The following IL1RAPL1 variants were observed in gnomAD, a reference collection of about 807,000 sequenced individuals.
IL1RAPL1 encodes interleukin-1 receptor accessory protein-like 1.
In IL1RAPL1, 3 loss-of-function variants were observed where a neutral mutation model predicts 48.4. That is an observed-to-expected ratio of 0.06 (90% confidence interval 0.03 to 0.16). IL1RAPL1 has a LOEUF of 0.16. IL1RAPL1 is among the 10% of genes least tolerant of loss of function. The pLI, the probability that IL1RAPL1 is intolerant of heterozygous loss-of-function variation, is 1.00. For missense variants in IL1RAPL1, 349 were observed against 530.6 expected (o/e 0.66, Z 3.36); for synonymous variants, 185 against 187.7 (o/e 0.99, Z 0.12).
rs982001979 is a variant in IL1RAPL1, at chrX:29,150,687, G to A, written c.83-132251G>A. On this transcript the variant is annotated intron_variant, in intron 2 of 10. Coordinates refer to ENST00000378993, the MANE Select transcript of IL1RAPL1 (RefSeq NM_014271.4). ...TCCTGTAATCCCAGCACTTTGGGAG[G>A]CTGAGGAGGGCAGATCACGAGGTCA... Among the ~76,000 whole-genome samples the A allele has an allele frequency of 5.5e-5, 6 of 108,862 alleles. 1 individual carries two copies. Among genetic ancestry groups the A allele is most frequent in the African/African-American group, 1.4e-4 (4 of 29,615 alleles). 94.5% of individuals were successfully genotyped at this position (108,862 alleles called of 115,157 possible). A position where few individuals can be genotyped will look rare whatever the true frequency, so the allele number is the denominator to read the frequency against.
At chrX:29,688,513 C>G (rs1926687847) in intron 6 of IL1RAPL1, among the ~76,000 whole-genome samples, 1 of 111,839 alleles carries the variant, frequency 8.9e-6, no homozygotes, top group African/African-American at 3.3e-5. Flanking sequence ...TCTGCCAAGA[C>G]CCTTTTTCCA....
chrX:29,073,632 C>T (rs1172069494), intron 2 of IL1RAPL1, among the ~76,000 whole-genome samples: 1 of 111,679 alleles, frequency 9.0e-6, no homozygotes, highest in Non-Finnish European at 1.9e-5. Flanking sequence ...CTGTCTGATT[C>T]TTCAAAGCCT....
At chrX:29,664,436 A>T (rs1435378755) in intron 5 of IL1RAPL1, among the ~76,000 whole-genome samples, 1 of 110,159 alleles carries the variant, frequency 9.1e-6, no homozygotes, top group Non-Finnish European at 1.9e-5. Flanking sequence ...GAAGGGAACT[A>T]GTTAAAATAC....
At chrX:29,839,147 C>T (rs900457335) in intron 6 of IL1RAPL1, among the ~76,000 whole-genome samples, 2 of 112,099 alleles carry the variant, frequency 1.8e-5, no homozygotes, top group Non-Finnish European at 3.8e-5. Context: ...ATGAAAAAAT[C>T]GGGGGCCATT....
At chrX:29,657,721 C>T (rs1925723659) in intron 5 of IL1RAPL1, among the ~76,000 whole-genome samples, 1 of 110,828 alleles carries the variant, frequency 9.0e-6, no homozygotes, top group Admixed American at 9.7e-5. Context: ...AAAAGATATG[C>T]TATGATCATT....
rs1044559806 is a variant in IL1RAPL1 at position 29,438,394 on chromosome X, T to C, written c.703+39086T>C. 6.3e-5 allele frequency among the ~76,000 whole-genome samples: 7 copies of C among 111,389 alleles called. No homozygotes were observed. The Admixed American group carries it at 6.7e-4, about 11-fold the overall frequency. Reference sequence around the variant, plus strand: ...TGAATTTCATTGATTTCTGCTCTTGTCTTTGTTGTTTCCTCTGTGCAGTGT... The same window carrying C: ...TGAATTTCATTGATTTCTGCTCTTGCCTTTGTTGTTTCCTCTGTGCAGTGT... On this transcript the variant is annotated intron_variant, in intron 5 of 10. Coordinates refer to ENST00000378993, the MANE Select transcript of IL1RAPL1 (RefSeq NM_014271.4).
At chrX:29,487,006 T>C (rs1212183835) in intron 5 of IL1RAPL1, among the ~76,000 whole-genome samples, 2 of 110,518 alleles carry the variant, frequency 1.8e-5, no homozygotes, top group Non-Finnish European at 3.8e-5. Flanking sequence ...AGCTCCCAGG[T>C]GATGGCAACA....
intron 6 of IL1RAPL1, among the ~76,000 whole-genome samples, chrX:29,758,078 T>C (rs769360069): frequency 8.9e-6 from 1 of 111,942 alleles, no homozygotes; most frequent in African/African-American, 3.2e-5. Context: ...TTATTTTATT[T>C]GCCTATCTCT....
intron 2 of IL1RAPL1, among the ~76,000 whole-genome samples, chrX:28,980,044 A>G (rs1925293005): frequency 8.9e-6 from 1 of 112,218 alleles, no homozygotes; most frequent in South Asian, 3.7e-4. Flanking sequence ...TATGACTGAG[A>G]TGGCAGAGCC....
chrX:29,141,835 A>G (rs906333094), intron 2 of IL1RAPL1, among the ~76,000 whole-genome samples: 2 of 112,225 alleles, frequency 1.8e-5, no homozygotes, highest in Admixed American at 9.5e-5. Flanking sequence ...TGTTTGCAGC[A>G]TATTGTCAAT....
rs893466493 is a variant in IL1RAPL1, at chrX:28,792,117, A to G, written c.82+2692A>G. On this transcript the variant is annotated intron_variant, in intron 2 of 10. Coordinates refer to ENST00000378993, the MANE Select transcript of IL1RAPL1 (RefSeq NM_014271.4). ...TGTCTTATCATTTAATTCTCTTTTG[A>G]TTCTTTATTTTATTCATCTTTTTGA... Among the ~76,000 whole-genome samples the G allele has an allele frequency of 7.2e-5, 8 of 111,736 alleles. No individual in the cohort carries two copies. The East Asian group carries it at 2.0e-3, about 28-fold the overall frequency.
intron 2 of IL1RAPL1, among the ~76,000 whole-genome samples, 200 bp from the exon 3 acceptor site, chrX:29,282,738 A>G (rs1217555457): frequency 1.8e-5 from 2 of 112,298 alleles, no homozygotes; most frequent in Admixed American, 9.4e-5. Context: ...AGTGAAGAAT[A>G]TATTGTTTGT....
chrX:29,327,640 CTATA>C (rs1008248045), intron 3 of IL1RAPL1, among the ~76,000 whole-genome samples: 1 of 104,129 alleles, frequency 9.6e-6, no homozygotes, highest in African/African-American at 3.5e-5. Flanking sequence ...TAAATACACA[CTATA>C]TATATACTAT....
intron 2 of IL1RAPL1, among the ~76,000 whole-genome samples, chrX:29,002,083 G>A (rs1925868292): frequency 9.2e-6 from 1 of 108,423 alleles, no homozygotes; most frequent in African/African-American, 3.4e-5. Flanking sequence ...TATCTTTTTA[G>A]TAGAAACGGG....
At chrX:29,921,269 G>A (rs1932846409) in intron 8 of IL1RAPL1, among the ~76,000 whole-genome samples, 1 of 112,369 alleles carries the variant, frequency 8.9e-6, no homozygotes, top group Non-Finnish European at 1.9e-5. Flanking sequence ...CACACTTGAT[G>A]TTCTCTTACT....
At chrX:28,883,572 C>T (rs1368276976) in intron 2 of IL1RAPL1, among the ~76,000 whole-genome samples, 5 of 112,068 alleles carry the variant, frequency 4.5e-5, no homozygotes, top group Non-Finnish European at 9.4e-5. Context: ...CAAGCCTAAC[C>T]ATGAAGAGTT....
At chrX:29,269,017 G>A (rs951424900) in intron 2 of IL1RAPL1, among the ~76,000 whole-genome samples, 2 of 111,840 alleles carry the variant, frequency 1.8e-5, no homozygotes, top group African/African-American at 3.2e-5. Flanking sequence ...ACATCTTTTC[G>A]GTAGAAAGTA....
chrX:28,843,504 A>G (rs1921429737), intron 2 of IL1RAPL1, among the ~76,000 whole-genome samples: 1 of 111,900 alleles, frequency 8.9e-6, no homozygotes. Flanking sequence ...TATGGCTTCC[A>G]TAATTATAAA....
At position 28,741,510 on chromosome X, in the gene IL1RAPL1, A is replaced by G. The variant is rs886770053; in HGVS notation, c.-24-47810A>G. 4.5e-5 allele frequency among the ~76,000 whole-genome samples: 5 copies of G among 112,161 alleles called. No homozygotes were observed. The East Asian group carries it at 8.4e-4, about 19-fold the overall frequency. On this transcript the variant is annotated intron_variant, in intron 1 of 10. Transcript: ENST00000378993. ...TGTAGGGTGTCTGTTTACTCTGTTT[A>G]TAGACCTTCAAGTAATTTTCCAAAC...
Sources: gnomAD v4.1 joint callset for allele counts (sites outside exome capture counted in the v4.1 genomes callset) on GRCh38, gnomAD v4.1.1 for gene constraint, MANE v1.5 for transcripts, NCBI Gene and HGNC (gene_info 2026-07-23, HGNC 2026-07-21) for gene names.